Variants in CDK7 observed in about 807,000 individuals in gnomAD.
CDK7 encodes cyclin dependent kinase 7, also known as cyclin-dependent kinase 7.
Under a neutral mutation model 49.1 loss-of-function variants are expected in CDK7, and 25 were observed. That is an observed-to-expected ratio of 0.51 (90% CI 0.37 to 0.71). The LOEUF (loss-of-function observed/expected upper bound fraction) is 0.71, where lower values mean the gene tolerates loss of function less well. Among genes scored for constraint, CDK7 ranks in the 30% least tolerant of loss-of-function variants. The probability of loss-of-function intolerance (pLI) is 0.00; values close to 1 mark genes in which losing one functional copy is unlikely to be tolerated. For synonymous variants in CDK7, 107 were observed against 140.0 expected (o/e 0.76, Z 1.67); for missense variants, 316 against 411.7 (o/e 0.77, Z 2.01).
At position 69,248,395 on chromosome 5, in the gene CDK7, T is replaced by G. The variant is rs151251945; in HGVS notation, c.127-4023T>G. Among the ~76,000 whole-genome samples the G allele has an allele frequency of 1.6e-4, 24 of 152,298 alleles. No individual in the cohort carries two copies. The East Asian group carries it at 4.4e-3, about 28-fold the overall frequency. Reference sequence around the variant, plus strand: ...TTCTTTTTCTTTTCTTTTTTTTCTTTTTGAGACGGAGTTTCATTCTTGTTT... The same window carrying G: ...TTCTTTTTCTTTTCTTTTTTTTCTTGTTGAGACGGAGTTTCATTCTTGTTT... On this transcript the variant is annotated intron_variant, in intron 2 of 11. Transcript: ENST00000256443.
At chr5:69,269,756 TA>T (rs981861832) in intron 9 of CDK7, among the ~76,000 whole-genome samples, 15 of 151,500 alleles carry the variant, frequency 9.9e-5, no homozygotes, top group African/African-American at 2.2e-4. Context: ...AAATTATTAT[TA>T]TTTTTTTTAA....
At chr5:69,262,737 C>T (rs1750916646) in intron 8 of CDK7, among the ~76,000 whole-genome samples, 1 of 151,330 alleles carries the variant, frequency 6.6e-6, no homozygotes, top group African/African-American at 2.4e-5. Flanking sequence ...CAACAAAAAG[C>T]CTACAAATAG....
intron 6 of CDK7, among the ~76,000 whole-genome samples, chr5:69,258,463 C>T (rs1750626069): frequency 6.7e-6 from 1 of 149,916 alleles, no homozygotes; most frequent in African/African-American, 2.5e-5. Flanking sequence ...TCACTGCAAG[C>T]TCCGTCTCCT....
intron 2 of CDK7, among the ~76,000 whole-genome samples, chr5:69,244,866 A>C (rs1749633267): frequency 6.6e-6 from 1 of 152,026 alleles, no homozygotes; most frequent in Non-Finnish European, 1.5e-5. Context: ...TTCTATACCC[A>C]GTTTTTTAAG....
At position 69,240,087 on chromosome 5, in the gene CDK7, A is replaced by G. The variant is rs80264988; in HGVS notation, c.126+4634A>G. 3.1e-3 allele frequency among the ~76,000 whole-genome samples: 466 copies of G among 152,236 alleles called. 5 individuals carry two copies. The highest frequency in any genetic ancestry group is 0.011 in the African/African-American group (454 of 41,538). ...CTTTTCCCAATGAGTTGTAATGCCAAATTCCCCATACCCTTGCAATACCAA... is the reference window on the plus strand; with the variant it reads ...CTTTTCCCAATGAGTTGTAATGCCAGATTCCCCATACCCTTGCAATACCAA... On this transcript the variant is annotated intron_variant, in intron 2 of 11. Coordinates refer to ENST00000256443, the MANE Select transcript of CDK7 (RefSeq NM_001799.4).
chr5:69,250,217 A>G (rs1449667222), intron 2 of CDK7, among the ~76,000 whole-genome samples: 1 of 152,204 alleles, frequency 6.6e-6, no homozygotes, highest in African/African-American at 2.4e-5. Context: ...TTCTTATTGG[A>G]AGGTATTCCA....
At position 69,266,089 on chromosome 5, in the gene CDK7, T is replaced by C. The variant is rs550712024; in HGVS notation, c.628-3118T>C. On this transcript the variant is annotated intron_variant, in intron 8 of 11. Transcript: ENST00000256443. ...GTAACAGGCTGGGGTTCACCTTTAA[T>C]TGGGCTCTGCAGGCGCTGCCGCACT... 3.4e-4 allele frequency among the ~76,000 whole-genome samples: 52 copies of C among 152,086 alleles called. No homozygotes were observed. The East Asian group carries it at 6.2e-3, about 18-fold the overall frequency.
At chr5:69,245,630 C>G (rs910927690) in intron 2 of CDK7, among the ~76,000 whole-genome samples, 3 of 152,146 alleles carry the variant, frequency 2.0e-5, no homozygotes, top group Non-Finnish European at 4.4e-5. Context: ...TGTGCCCAGC[C>G]TAGCCCTTCT....
upstream of CDK7, chr5:69,234,853 G>C: frequency 1.0e-6 from 1 of 962,324 alleles, no homozygotes; most frequent in Non-Finnish European, 1.6e-6. Flanking sequence ...AAGTGAGGCG[G>C]GGATACTAAA....
At chr5:69,256,276 A>T (rs1750484265) in intron 5 of CDK7, among the ~76,000 whole-genome samples, 1 of 152,170 alleles carries the variant, frequency 6.6e-6, no homozygotes, top group African/African-American at 2.4e-5. Context: ...AAATTATATT[A>T]AAAAATAAAG....
At chr5:69,245,984 G>A (rs1191153775) in intron 2 of CDK7, among the ~76,000 whole-genome samples, 1 of 152,002 alleles carries the variant, frequency 6.6e-6, no homozygotes, top group African/African-American at 2.4e-5. Context: ...TAGTGGTCAG[G>A]GTTTTTATTG....
At chr5:69,235,527 T>A in intron 2 of CDK7, 74 bp downstream of exon 2, 1 of 985,788 alleles carries the variant, frequency 1.0e-6, no homozygotes, top group Non-Finnish European at 1.6e-6. Flanking sequence ...ATAGCCATTT[T>A]ATTAGTCTTG....
chr5:69,276,475 G>T, intron 10 of CDK7, 68 bp from the exon 11 acceptor site: 1 of 1,399,140 alleles, frequency 7.1e-7, no homozygotes, highest in South Asian at 1.2e-5. Flanking sequence ...TAATCTTGAA[G>T]GTAAGATTTT....
chr5:69,254,585 T>G lies in CDK7; in HGVS notation c.161-17T>G. On this transcript the variant is annotated splice_polypyrimidine_tract_variant and intron_variant, in intron 3 of 11. Coordinates refer to ENST00000256443, the MANE Select transcript of CDK7 (RefSeq NM_001799.4). ...GATTTCAGAATTATTCACTTTTTGC[T>G]TTGCCTTTTTATATAGGTATAAATA... The G allele has an allele frequency of 2.4e-6, 3 of 1,224,558 alleles. No individual in the cohort carries two copies. The South Asian group carries it at 3.7e-5, about 15-fold the overall frequency. 75.9% of individuals were successfully genotyped at this position (1,224,558 alleles called of 1,614,324 possible).
intron 3 of CDK7, among the ~76,000 whole-genome samples, chr5:69,253,341 T>C (rs1482379940): frequency 6.6e-6 from 1 of 152,134 alleles, no homozygotes. Context: ...CTCGGCTCAC[T>C]GCAACCTCTA....
intron 2 of CDK7, among the ~76,000 whole-genome samples, chr5:69,251,770 C>T (rs539860195): frequency 3.9e-5 from 6 of 152,260 alleles, no homozygotes; most frequent in East Asian, 3.9e-4. Flanking sequence ...TGGGATCAAG[C>T]GATCCTCCCA....
At position 69,235,055 on chromosome 5, in the gene CDK7, G is replaced by A; in HGVS notation, c.66+14G>A. On this transcript the variant is annotated intron_variant, in intron 1 of 11. Coordinates refer to ENST00000256443, the MANE Select transcript of CDK7 (RefSeq NM_001799.4). ...GGGGAGGGACAGGTGAGGCTCTCTG[G>A]AAGGACGGGGAGGGCCCCAAGCGGA... 2 of 1,593,892 alleles carry A rather than the reference G, an allele frequency of 1.3e-6. No homozygotes were observed. The highest frequency in any genetic ancestry group is 1.7e-6 in the Non-Finnish European group (2 of 1,170,218).
chr5:69,268,256 C>T (rs916201517), intron 8 of CDK7, among the ~76,000 whole-genome samples: 2 of 152,290 alleles, frequency 1.3e-5, no homozygotes, highest in East Asian at 1.9e-4. Flanking sequence ...ACTCAACACA[C>T]CGAATTGTAA....
intron 8 of CDK7, among the ~76,000 whole-genome samples, chr5:69,268,992 A>T (rs771309068): frequency 6.7e-6 from 1 of 150,112 alleles, no homozygotes; most frequent in Non-Finnish European, 1.5e-5. Context: ...AAAATACAAA[A>T]ATTAGCCAGG....
Sources: allele counts gnomAD v4.1 joint callset (sites outside exome capture counted in the v4.1 genomes callset), GRCh38; gene constraint gnomAD v4.1.1; transcripts MANE v1.5; gene names NCBI Gene and HGNC (gene_info 2026-07-23, HGNC 2026-07-21).